Variants in NSMCE4A observed in about 807,000 individuals in gnomAD.
NSMCE4A encodes NSE4A component of SMC5/6 complex.
In NSMCE4A, 40 loss-of-function variants were observed where a neutral mutation model predicts 47.9. The observed-to-expected ratio is 0.83, with a 90% CI of 0.65 to 1.09. NSMCE4A has a LOEUF of 1.09. Among genes scored for constraint, NSMCE4A ranks in the 50% least tolerant of loss-of-function variants. NSMCE4A has a pLI of 0.00. For missense variants in NSMCE4A, 500 were observed against 507.0 expected (o/e 0.99, Z 0.13); for synonymous variants, 166 against 178.5 (o/e 0.93, Z 0.56).
At chr10:121,961,614 T>C in intron 6 of NSMCE4A, 97 bp from the exon 7 acceptor site, 2 of 709,532 alleles carry the variant, frequency 2.8e-6, no homozygotes, top group Non-Finnish European at 4.4e-6. Flanking sequence ...TGTGTACTCA[T>C]TCCTGCTGCA....
At chr10:121,959,790 C>A (rs879292671) in intron 8 of NSMCE4A, 195 bp from the exon 9 acceptor site, 2 of 588,398 alleles carry the variant, frequency 3.4e-6, no homozygotes, top group Non-Finnish European at 6.0e-6. Flanking sequence ...CATCTGTTTC[C>A]ATTTCAAAAA....
chr10:121,959,886 T>C lies in NSMCE4A; in HGVS notation c.989-291A>G, dbSNP rs953128727. On this transcript the variant is annotated intron_variant, in intron 8 of 10. Transcript: ENST00000369023. ...CAGAGCTAAGCCCTAGTGAGTCCAA[T>C]AGGACATTGAGAACATTGAAAGTAG... The C allele has an allele frequency of 2.3e-5, 10 of 426,100 alleles. No individual in the cohort carries two copies. The East Asian group carries it at 3.3e-4, about 14-fold the overall frequency. 26.4% of individuals were successfully genotyped at this position (426,100 alleles called of 1,614,324 possible).
intron 4 of NSMCE4A, chr10:121,967,004 G>C (rs577741778): frequency 2.0e-5 from 3 of 152,182 alleles, no homozygotes; most frequent in Non-Finnish European, 4.4e-5. Context: ...CACTTTAGAC[G>C]TTGGGAGACT....
At position 121,975,092 on chromosome 10, in the gene NSMCE4A, C is replaced by T; in HGVS notation, c.74G>A (p.Arg25His). Residue 25 changes from arginine (R) to histidine (H), a missense_variant, in exon 1 of 11, where the codon CGC becomes CAC. Arg to His is a conservative substitution (Grantham distance 29). Transcript: ENST00000369023. ...AGGGGACCGCGAGCGGGAGCGGGAG[C>T]GGGTGCGATCCCGATGCGGGTCGCG... The part of the protein sequence containing the change: ...RGRDPHRDRT[R>H]SRSRSRSPLS... 5 of 1,442,054 alleles carry T rather than the reference C, an allele frequency of 3.5e-6. No homozygotes were observed. The highest frequency in any genetic ancestry group is 1.5e-5 in the African/African-American group (1 of 66,718). 89.3% of individuals were successfully genotyped at this position (1,442,054 alleles called of 1,614,324 possible).
chr10:121,974,989 C>A lies in NSMCE4A; in HGVS notation c.177G>T (p.Glu59Asp). 1 of 1,519,812 alleles carries A rather than the reference C, an allele frequency of 6.6e-7. No individual in the cohort carries two copies. Among genetic ancestry groups the A allele is most frequent in the Non-Finnish European group, 8.8e-7 (1 of 1,136,540 alleles). The allele number at this position is 1,519,812 out of a possible 1,614,324, so 94.1% of individuals were successfully genotyped here. ...APERPSLEDTEPSDSGDEMMD... is the reference protein window; with the variant it reads ...APERPSLEDTDPSDSGDEMMD... ...TCATCTCGTCCCCGGAATCCGACGG[C>A]TCTGTGTCCTCCAGGCTCGGGCGCT... The change falls in exon 1 of 11, where the codon GAG (glutamate) becomes GAT (aspartate). Residue 59 changes from glutamate to aspartate, a missense_variant. Physicochemically the swap from Glu to Asp is conservative, Grantham distance 45. Coordinates refer to ENST00000369023, the MANE Select transcript of NSMCE4A (RefSeq NM_017615.3).
At chr10:121,961,680 CAT>C (rs1261692510) in intron 6 of NSMCE4A, 163 bp from the exon 7 acceptor site, 23 of 503,408 alleles carry the variant, frequency 4.6e-5, no homozygotes, top group African/African-American at 3.2e-4. Context: ...CTACTAAAAA[CAT>C]GTATGCCCAC....
chr10:121,960,346 A>G lies in NSMCE4A; in HGVS notation c.988+12T>C, dbSNP rs745465870. 4.8e-6 allele frequency: 7 copies of G among 1,469,746 alleles called. No individual in the cohort carries two copies. The highest frequency in any genetic ancestry group is 5.4e-6 in the Non-Finnish European group (6 of 1,113,454). The allele number at this position is 1,469,746 out of a possible 1,614,324, so 91.0% of individuals were successfully genotyped here. On this transcript the variant is annotated intron_variant, in intron 8 of 10. Transcript: ENST00000369023. This position sits in a 1 kb window ranked among gnomAD's most constrained non-coding sequence, Gnocchi z 4.2. ...CTCTAAAACTAATTTTTCCAAACATAGTATCATTTACCTATTACTGGCAGT... is the reference window on the plus strand; with the variant it reads ...CTCTAAAACTAATTTTTCCAAACATGGTATCATTTACCTATTACTGGCAGT...
At position 121,963,436 on chromosome 10, in the gene NSMCE4A, CTTTT is replaced by C. The variant is rs59415272; in HGVS notation, c.754-112_754-109del. ...TTCTTCTCTCTTGCACACCCGAACT[CTTTT>C]TTTTTTTTGAGACAGGGTCTTGCTT... On this transcript the variant is annotated intron_variant, in intron 5 of 10. Transcript: ENST00000369023. 64 of 543,644 alleles carry C rather than the reference CTTTT, an allele frequency of 1.2e-4. No homozygotes were observed. In the Middle Eastern group the frequency reaches 2.3e-3, roughly 20 times the overall value. 33.7% of individuals were successfully genotyped at this position (543,644 alleles called of 1,614,324 possible).
chr10:121,971,306 C>A (rs1279671454), intron 2 of NSMCE4A, among the ~76,000 whole-genome samples: 1 of 151,918 alleles, frequency 6.6e-6, no homozygotes, highest in South Asian at 2.1e-4. Context: ...GTCAGGAGAT[C>A]GAGACCATCC....
intron 3 of NSMCE4A, among the ~76,000 whole-genome samples, chr10:121,969,762 C>G (rs1392554154): frequency 3.3e-5 from 5 of 152,224 alleles, no homozygotes; most frequent in African/African-American, 1.2e-4. Context: ...GTAGCCCAGG[C>G]TGGAGTGCAG....
intron 2 of NSMCE4A, among the ~76,000 whole-genome samples, chr10:121,971,506 C>CAAAACAAAAACA (rs141704212): frequency 3.3e-5 from 5 of 151,228 alleles, no homozygotes; most frequent in Admixed American, 6.6e-5. Flanking sequence ...GAGGCTGTCT[C>CAAAACAAAAACA]AAAACAAAAA....
chr10:121,964,253 C>T (rs61874420), intron 5 of NSMCE4A, among the ~76,000 whole-genome samples: 2 of 148,700 alleles, frequency 1.3e-5, no homozygotes, highest in Admixed American at 1.3e-4. Flanking sequence ...AGCAATTCTC[C>T]TACCTCAGCC....
chr10:121,963,836 C>A (rs1429269863), intron 5 of NSMCE4A, among the ~76,000 whole-genome samples: 1 of 151,710 alleles, frequency 6.6e-6, no homozygotes, highest in Non-Finnish European at 1.5e-5. Context: ...GCCGACATCG[C>A]GCCTGTAATC....
rs1952480516 is a variant in NSMCE4A at position 121,960,609 on chromosome 10, C to T, written c.940-203G>A. On this transcript the variant is annotated intron_variant, in intron 7 of 10. Coordinates refer to ENST00000369023, the MANE Select transcript of NSMCE4A (RefSeq NM_017615.3). The surrounding 1 kb of genome is among the most constrained non-coding windows in gnomAD (Gnocchi z 4.2). ...TCTTTGGGTTTCTAATCAGCTCTTT[C>T]ACCCAGACACAGCCTCCATCCTGAG... Among the ~76,000 whole-genome samples, 2 of 152,178 alleles carry T rather than the reference C, an allele frequency of 1.3e-5. No individual in the cohort carries two copies. The highest frequency in any genetic ancestry group is 1.3e-4 in the Admixed American group (2 of 15,270).
intron 4 of NSMCE4A, chr10:121,965,951 G>T (rs7907815): frequency 0.13 from 20,274 of 152,200 alleles, 1,570 homozygotes; most frequent in Middle Eastern, 0.18. Flanking sequence ...CAAGAATAAG[G>T]CTCATGTGGT....
chr10:121,959,449 T>C, intron 9 of NSMCE4A, 39 bp from the exon 10 acceptor site: 3 of 1,612,708 alleles, frequency 1.9e-6, no homozygotes, highest in Non-Finnish European at 2.5e-6. Context: ...CTGGGCTTAC[T>C]GCAAGTGAAG....
In NSMCE4A at chr10:121,960,225, G is replaced by A. The variant is rs1952473538; in HGVS notation, c.988+133C>T. The A allele has an allele frequency of 1.8e-6, 1 of 546,790 alleles. No individual in the cohort carries two copies. Among genetic ancestry groups the A allele is most frequent in the Non-Finnish European group, 3.0e-6 (1 of 336,344 alleles). The allele number at this position is 546,790 out of a possible 1,614,324, so 33.9% of individuals were successfully genotyped here. A position where few individuals can be genotyped will look rare whatever the true frequency, so the allele number is the denominator to read the frequency against. ...CTGGCCATGTTTTCAGTATCTTCAG[G>A]TAGTTGAGCAAGATACAATATTGTA... On this transcript the variant is annotated intron_variant, in intron 8 of 10. Coordinates refer to ENST00000369023, the MANE Select transcript of NSMCE4A (RefSeq NM_017615.3). The surrounding 1 kb of genome is among the most constrained non-coding windows in gnomAD (Gnocchi z 4.2).
chr10:121,974,992 T>C lies in NSMCE4A; in HGVS notation c.174A>G (p.Thr58=). 1 of 1,519,584 alleles carries C rather than the reference T, an allele frequency of 6.6e-7. No individual in the cohort carries two copies. The highest frequency in any genetic ancestry group is 8.8e-7 in the Non-Finnish European group (1 of 1,136,470). 94.1% of individuals were successfully genotyped at this position (1,519,584 alleles called of 1,614,324 possible). A position where few individuals can be genotyped will look rare whatever the true frequency, so the allele number is the denominator to read the frequency against. Residue 58 remains threonine, a synonymous_variant, in exon 1 of 11, where the codon ACA becomes ACG. Coordinates refer to ENST00000369023, the MANE Select transcript of NSMCE4A (RefSeq NM_017615.3). The part of the protein sequence containing the change: ...EAPERPSLED[T]EPSDSGDEMM... Reference sequence around the variant, plus strand: ...TCTCGTCCCCGGAATCCGACGGCTCTGTGTCCTCCAGGCTCGGGCGCTCTG... The same window carrying C: ...TCTCGTCCCCGGAATCCGACGGCTCCGTGTCCTCCAGGCTCGGGCGCTCTG...
chr10:121,958,584 A>T (rs75807066), intron 10 of NSMCE4A, among the ~76,000 whole-genome samples: 1 of 152,156 alleles, frequency 6.6e-6, no homozygotes, highest in Non-Finnish European at 1.5e-5. Context: ...AGAGGATTCA[A>T]TATTTCACTT....
Sources: allele counts gnomAD v4.1 joint callset (sites outside exome capture counted in the v4.1 genomes callset), GRCh38; gene constraint gnomAD v4.1.1; non-coding constraint Gnocchi (gnomAD v3.1); transcripts MANE v1.5; gene names NCBI Gene and HGNC (gene_info 2026-07-23, HGNC 2026-07-21).